The following EYS variants were observed in gnomAD, a reference collection of about 807,000 sequenced individuals.
EYS encodes EGF-like photoreceptor maintenance factor, also known as protein eyes shut homolog.
A neutral mutation model predicts 282.1 loss-of-function variants in EYS; 250 were observed. The ratio of observed to expected loss-of-function variants is 0.89; its 90% confidence interval spans 0.80 to 0.98. The LOEUF is 0.98. Ranked by LOEUF, EYS falls within the 50% of genes least tolerant of loss-of-function variation. The pLI is 0.00. For missense variants in EYS, 4,016 were observed against 3,709.0 expected, an observed-to-expected ratio of 1.08 and a Z score of -2.15; for synonymous variants, 1,355 against 1,282.9, an observed-to-expected ratio of 1.06 and a Z score of -1.20.
intron 13 of EYS, among the ~76,000 whole-genome samples, chr6:65,032,003 C>T (rs183105939): frequency 8.6e-5 from 13 of 151,946 alleles, no homozygotes; most frequent in Admixed American, 8.5e-4. Context: ...TGTTGAAGAT[C>T]CAAATAAACA....
chr6:65,619,524 TC>T (rs1369703008), intron 2 of EYS, among the ~76,000 whole-genome samples: 1 of 152,176 alleles, frequency 6.6e-6, no homozygotes, highest in Non-Finnish European at 1.5e-5. Flanking sequence ...CTTCCTCTTT[TC>T]CTAATTGAAT....
chr6:64,298,242 C>T (rs1373536439), intron 30 of EYS, among the ~76,000 whole-genome samples: 1 of 151,990 alleles, frequency 6.6e-6, no homozygotes, highest in East Asian at 1.9e-4. Context: ...AATAATTAAA[C>T]AGATTAATAC....
chr6:65,114,203 A>C (rs16896241), intron 12 of EYS, among the ~76,000 whole-genome samples: 39,774 of 151,818 alleles, frequency 0.26, 6,395 homozygotes, highest in African/African-American at 0.45. Context: ...ATTACATAAA[A>C]AATGTTAAAG....
At chr6:64,959,659 AT>A (rs1014980873) in intron 14 of EYS, among the ~76,000 whole-genome samples, 1 of 151,938 alleles carries the variant, frequency 6.6e-6, no homozygotes, top group East Asian at 1.9e-4. Flanking sequence ...GAACTCAGTG[AT>A]TTTTTTTACT....
intron 29 of EYS, among the ~76,000 whole-genome samples, chr6:64,351,483 A>C (rs892651510): frequency 6.6e-6 from 1 of 151,414 alleles, no homozygotes; most frequent in Admixed American, 6.6e-5. Flanking sequence ...ATTTGTATTT[A>C]TATCTATCTA....
At chr6:64,495,542 A>C (rs1776865064) in intron 26 of EYS, among the ~76,000 whole-genome samples, 1 of 151,842 alleles carries the variant, frequency 6.6e-6, no homozygotes, top group African/African-American at 2.4e-5. Flanking sequence ...AAACTTAATG[A>C]GAAATCGAGC....
chr6:65,620,532 T>A (rs996910920), intron 2 of EYS, among the ~76,000 whole-genome samples: 9 of 151,238 alleles, frequency 6.0e-5, no homozygotes, highest in African/African-American at 2.2e-4. Flanking sequence ...TTTTGAAGGG[T>A]TTTTTGTGTC....
At chr6:64,926,913 G>A (rs1168523080) in intron 15 of EYS, among the ~76,000 whole-genome samples, 1 of 152,128 alleles carries the variant, frequency 6.6e-6, no homozygotes, top group African/African-American at 2.4e-5. Flanking sequence ...CAAATATAAA[G>A]ACTATACAGG....
chr6:64,642,262 C>A (rs1768182643), intron 22 of EYS, among the ~76,000 whole-genome samples: 1 of 152,106 alleles, frequency 6.6e-6, no homozygotes, highest in Admixed American at 6.6e-5. Flanking sequence ...TTTTAAATTT[C>A]ATTCGTAATT....
chr6:65,395,756 T>A (rs1766257303), intron 7 of EYS, among the ~76,000 whole-genome samples: 1 of 152,158 alleles, frequency 6.6e-6, no homozygotes, highest in Non-Finnish European at 1.5e-5. Context: ...AGGGCATCCA[T>A]CACTTCAAGT....
chr6:64,765,188 A>T (rs1244434742), intron 22 of EYS, among the ~76,000 whole-genome samples: 1 of 152,222 alleles, frequency 6.6e-6, no homozygotes, highest in Non-Finnish European at 1.5e-5. Context: ...CTCAGGTTCA[A>T]AGTTCCACAG....
chr6:64,795,488 G>A (rs1306321189), intron 22 of EYS, among the ~76,000 whole-genome samples: 2 of 152,104 alleles, frequency 1.3e-5, no homozygotes, highest in Non-Finnish European at 2.9e-5. Flanking sequence ...ACATTTTTAT[G>A]CAGTATCAAA....
At chr6:64,858,039 T>G (rs1288039020) in intron 19 of EYS, among the ~76,000 whole-genome samples, 1 of 152,166 alleles carries the variant, frequency 6.6e-6, no homozygotes, top group African/African-American at 2.4e-5. Flanking sequence ...TTTCTCCCAT[T>G]CTTTGGGTTG....
intron 33 of EYS, among the ~76,000 whole-genome samples, chr6:64,017,303 T>C (rs1310059062): frequency 6.6e-6 from 1 of 152,052 alleles, no homozygotes; most frequent in Non-Finnish European, 1.5e-5. Flanking sequence ...AGTGGATTTA[T>C]TTGGGAACAT....
intron 35 of EYS, among the ~76,000 whole-genome samples, chr6:63,910,703 A>T (rs1773891342): frequency 6.6e-6 from 1 of 152,230 alleles, no homozygotes; most frequent in Non-Finnish European, 1.5e-5. Context: ...ATAGTTTTGA[A>T]TGGCAATTAC....
At chr6:64,394,381 A>C (rs1296576069) in intron 28 of EYS, among the ~76,000 whole-genome samples, 1 of 152,152 alleles carries the variant, frequency 6.6e-6, no homozygotes, top group Non-Finnish European at 1.5e-5. Flanking sequence ...ACTTCAAACT[A>C]TACTACAAGG....
At chr6:65,619,406 A>G (rs1375606626) in intron 2 of EYS, among the ~76,000 whole-genome samples, 1 of 152,158 alleles carries the variant, frequency 6.6e-6, no homozygotes, top group Non-Finnish European at 1.5e-5. Context: ...TTGATCTTGT[A>G]TCCTGAGACT....
intron 5 of EYS, among the ~76,000 whole-genome samples, chr6:65,485,042 C>T (rs192720626): frequency 6.6e-6 from 1 of 152,316 alleles, no homozygotes; most frequent in East Asian, 1.9e-4. Context: ...TATAAATCTA[C>T]AACTATTTAC....
At chr6:65,650,303 A>G (rs1767607672) in intron 1 of EYS, among the ~76,000 whole-genome samples, 1 of 152,168 alleles carries the variant, frequency 6.6e-6, no homozygotes, top group African/African-American at 2.4e-5. Context: ...TCAACACACA[A>G]TGCTCTCTTT....
Sources: gnomAD v4.1 joint callset for allele counts (sites outside exome capture counted in the v4.1 genomes callset) on GRCh38, gnomAD v4.1.1 for gene constraint, MANE v1.5 for transcripts, NCBI Gene and HGNC (gene_info 2026-07-23, HGNC 2026-07-21) for gene names.